The following ACAA2 variants were observed in gnomAD, a reference collection of about 807,000 sequenced individuals.
ACAA2 encodes the protein 3-ketoacyl-CoA thiolase, mitochondrial.
A neutral mutation model predicts 44.8 loss-of-function variants in ACAA2; 35 were observed. That is an observed-to-expected ratio of 0.78 (90% confidence interval 0.60 to 1.04). The LOEUF (loss-of-function observed/expected upper bound fraction) is 1.04, where lower values mean the gene tolerates loss of function less well. Among genes scored for constraint, ACAA2 ranks in the 50% least tolerant of loss-of-function variants. ACAA2 has a pLI of 0.00. For synonymous variants in ACAA2, 142 were observed against 166.5 expected, an observed-to-expected ratio of 0.85 and a Z score of 1.13; for missense variants, 468 against 482.6, an observed-to-expected ratio of 0.97 and a Z score of 0.28.
chr18:49,809,103 G>C (rs2023640798), intron 1 of ACAA2, among the ~76,000 whole-genome samples: 1 of 152,104 alleles, frequency 6.6e-6, no homozygotes, highest in South Asian at 2.1e-4. Context: ...TCTCCTACTT[G>C]CATATCCGTT....
At position 49,796,606 on chromosome 18, in the gene ACAA2, T is replaced by G. The variant is rs114211389; in HGVS notation, c.313-725A>C. On this transcript the variant is annotated intron_variant, in intron 3 of 9. Coordinates refer to ENST00000285093, the MANE Select transcript of ACAA2 (RefSeq NM_006111.3). ...AAAGAAACAAATGTATTTAACCAAC[T>G]GTCCTTTAAAAAGGTCAAACTAGTT... 4.6e-3 allele frequency among the ~76,000 whole-genome samples: 699 copies of G among 152,354 alleles called. 5 individuals carry two copies. The highest frequency in any genetic ancestry group is 0.015 in the African/African-American group (618 of 41,596).
intron 7 of ACAA2, among the ~76,000 whole-genome samples, chr18:49,789,915 G>A (rs796823757): frequency 4.6e-5 from 7 of 152,130 alleles, no homozygotes; most frequent in African/African-American, 1.7e-4. Flanking sequence ...TCACGCCACT[G>A]CACTCCAGCC....
intron 7 of ACAA2, among the ~76,000 whole-genome samples, chr18:49,789,490 T>C (rs868613476): frequency 4.6e-5 from 7 of 152,276 alleles, no homozygotes; most frequent in South Asian, 4.1e-4. Flanking sequence ...CACAGGAGCA[T>C]TCTTTGTACT....
At chr18:49,786,889 G>A (rs1347314687) in intron 8 of ACAA2, among the ~76,000 whole-genome samples, 4 of 152,126 alleles carry the variant, frequency 2.6e-5, no homozygotes, top group Non-Finnish European at 5.9e-5. Context: ...TCTATCTGGC[G>A]AGAAGGGCAA....
rs548576239 is a variant in ACAA2, at chr18:49,788,207, A to G, written c.884-846T>C. On this transcript the variant is annotated intron_variant, in intron 7 of 9. Transcript: ENST00000285093. Reference sequence around the variant, plus strand: ...TTCTCAAAAGGTAAAAAATTTGGGTAGAGAAGATTATCTACTTCTCGACTT... The same window carrying G: ...TTCTCAAAAGGTAAAAAATTTGGGTGGAGAAGATTATCTACTTCTCGACTT... Among the ~76,000 whole-genome samples the G allele has an allele frequency of 3.3e-5, 5 of 152,370 alleles. No homozygotes were observed. In the East Asian group the frequency reaches 7.7e-4, roughly 23 times the overall value.
At chr18:49,786,779 C>G (rs2023334798) in intron 8 of ACAA2, among the ~76,000 whole-genome samples, 1 of 152,072 alleles carries the variant, frequency 6.6e-6, no homozygotes, top group Non-Finnish European at 1.5e-5. Context: ...AGAAATCACT[C>G]AATAAATTTA....
At chr18:49,805,667 TC>T (rs2023602870) in intron 1 of ACAA2, among the ~76,000 whole-genome samples, 1 of 152,092 alleles carries the variant, frequency 6.6e-6, no homozygotes, top group South Asian at 2.1e-4. Context: ...GCCTCGACTT[TC>T]CCAACTCAAG....
At chr18:49,803,319 T>C (rs1007080286) in intron 1 of ACAA2, among the ~76,000 whole-genome samples, 3 of 151,460 alleles carry the variant, frequency 2.0e-5, no homozygotes, top group Non-Finnish European at 2.9e-5. Context: ...TTATCTGTAA[T>C]TTCCAGACAT....
rs1322798382 is a variant in ACAA2 at position 49,797,465 on chromosome 18, C to G, written c.312+1G>C. On this transcript the variant is annotated splice_donor_variant, in intron 3 of 9. Transcript: ENST00000285093. LOFTEE classifies it high-confidence loss of function. ...AGAATTTAAAAAAATGTTGTCCATA[C>G]CTGACATCCATTCACAATGGACTGA... is the stretch of plus-strand genomic sequence containing the variant. 1.2e-6 allele frequency: 2 copies of G among 1,604,866 alleles called. No individual in the cohort carries two copies. Among genetic ancestry groups the G allele is most frequent in the Non-Finnish European group, 1.7e-6 (2 of 1,177,806 alleles).
At position 49,787,373 on chromosome 18, in the gene ACAA2, T is replaced by C. The variant is rs753857797; in HGVS notation, c.884-12A>G. 8.7e-6 allele frequency: 12 copies of C among 1,381,792 alleles called. 1 individual carries two copies. The South Asian group carries it at 1.8e-4, about 21-fold the overall frequency. The allele number at this position is 1,381,792 out of a possible 1,614,324, so 85.6% of individuals were successfully genotyped here. ...AGCAGGGACAGGACCTATATAATAA[T>C]AAAAATCTTCTATAAAAATATAGAA... is the stretch of plus-strand genomic sequence containing the variant. On this transcript the variant is annotated splice_polypyrimidine_tract_variant and intron_variant, in intron 7 of 9. Transcript: ENST00000285093.
At chr18:49,801,513 A>G (rs919365930) in intron 2 of ACAA2, among the ~76,000 whole-genome samples, 1 of 152,164 alleles carries the variant, frequency 6.6e-6, no homozygotes, top group African/African-American at 2.4e-5. Flanking sequence ...TAAAAAGAAC[A>G]AAAGACAATA....
intron 1 of ACAA2, among the ~76,000 whole-genome samples, chr18:49,810,057 T>A (rs947027144): frequency 6.6e-6 from 1 of 152,160 alleles, no homozygotes; most frequent in African/African-American, 2.4e-5. Flanking sequence ...ATTTTTTCTT[T>A]AAAGTCGGAT....
intron 6 of ACAA2, 146 bp downstream of exon 6, chr18:49,792,006 A>G (rs1436460538): frequency 1.8e-6 from 1 of 546,122 alleles, no homozygotes; most frequent in Non-Finnish European, 3.1e-6. Flanking sequence ...TGGGTCTATG[A>G]AAACCTAAAT....
intron 9 of ACAA2, among the ~76,000 whole-genome samples, chr18:49,784,689 G>A (rs1434662776): frequency 2.0e-5 from 3 of 151,948 alleles, no homozygotes; most frequent in Non-Finnish European, 2.9e-5. Context: ...CCTCCTTCTG[G>A]TACTATCTAT....
At chr18:49,784,776 A>T (rs554537971) in intron 9 of ACAA2, among the ~76,000 whole-genome samples, 3 of 152,334 alleles carry the variant, frequency 2.0e-5, no homozygotes, top group Non-Finnish European at 4.4e-5. Context: ...ACTTAGACCC[A>T]AATGTCAGTT....
chr18:49,801,162 T>C (rs1171291260), intron 2 of ACAA2, among the ~76,000 whole-genome samples: 3 of 152,218 alleles, frequency 2.0e-5, no homozygotes, highest in African/African-American at 4.8e-5. Flanking sequence ...CTTTGTGGTA[T>C]TTGTCAAATG....
chr18:49,813,082 G>T (rs891908010), intron 1 of ACAA2: 2 of 183,842 alleles, frequency 1.1e-5, no homozygotes, highest in Non-Finnish European at 2.2e-5. Context: ...GCCGAGCGGC[G>T]GGCTCCTGTG....
rs1023356421 is a variant in ACAA2, at chr18:49,799,202, A to T, written c.184-1608T>A. On this transcript the variant is annotated intron_variant, in intron 2 of 9. Transcript: ENST00000285093. ...ATCTGACAAAGGGAATCTATAAAAA[A>T]TCCACAGCTCTCCCTCTCCCCCTCC... Among the ~76,000 whole-genome samples the T allele has an allele frequency of 3.9e-5, 6 of 152,188 alleles. No individual in the cohort carries two copies. The South Asian group carries it at 1.2e-3, about 32-fold the overall frequency.
intron 6 of ACAA2, 54 bp from the exon 7 acceptor site, chr18:49,791,653 A>G: frequency 1.9e-6 from 3 of 1,580,686 alleles, no homozygotes; most frequent in South Asian, 1.1e-5. Flanking sequence ...CAGTTAATCA[A>G]AGTTTGAACT....
Sources: gnomAD v4.1 joint callset for allele counts (sites outside exome capture counted in the v4.1 genomes callset) on GRCh38, gnomAD v4.1.1 for gene constraint, MANE v1.5 for transcripts, NCBI Gene and HGNC (gene_info 2026-07-23, HGNC 2026-07-21) for gene names.